The following PLSCR1 variants were observed in gnomAD, a reference collection of about 807,000 sequenced individuals.
The protein encoded by PLSCR1 is PL scramblase 1.
A neutral mutation model predicts 37.8 loss-of-function variants in PLSCR1; 17 were observed. The ratio of observed to expected loss-of-function variants is 0.45; its 90% CI spans 0.31 to 0.68. The LOEUF (loss-of-function observed/expected upper bound fraction) is 0.68, where lower values mean the gene tolerates loss of function less well. Ranked by LOEUF, PLSCR1 falls within the 30% of genes least tolerant of loss-of-function variation. The pLI, the probability that PLSCR1 is intolerant of heterozygous loss-of-function variation, is 0.06. For missense variants in PLSCR1, 347 were observed against 380.9 expected (o/e 0.91, Z 0.74); for synonymous variants, 116 against 125.9 (o/e 0.92, Z 0.53).
intron 5 of PLSCR1, among the ~76,000 whole-genome samples, chr3:146,524,326 A>T (rs1228932131): frequency 1.3e-5 from 2 of 152,164 alleles, no homozygotes; most frequent in Admixed American, 1.3e-4. Context: ...GAGAAAAAAA[A>T]GTAAGTGCCT....
intron 1 of PLSCR1, among the ~76,000 whole-genome samples, chr3:146,537,831 C>T (rs940714415): frequency 1.3e-5 from 2 of 152,142 alleles, no homozygotes; most frequent in African/African-American, 4.8e-5. Context: ...GATGTCATCA[C>T]TGCATTCCAG....
intron 1 of PLSCR1, among the ~76,000 whole-genome samples, chr3:146,537,211 T>C (rs1421839386): frequency 6.6e-6 from 1 of 152,166 alleles, no homozygotes. Flanking sequence ...ACTCGGTATT[T>C]ATACAGAAAC....
chr3:146,540,286 G>C (rs2044322214), intron 1 of PLSCR1, among the ~76,000 whole-genome samples: 1 of 152,106 alleles, frequency 6.6e-6, no homozygotes, highest in Admixed American at 6.5e-5. Context: ...AGGAAACTGA[G>C]GCATCATATA....
chr3:146,535,324 CCAAAG>C (rs1387688297), intron 2 of PLSCR1, among the ~76,000 whole-genome samples: 1 of 151,916 alleles, frequency 6.6e-6, no homozygotes, highest in Admixed American at 6.6e-5. Flanking sequence ...GCTTTTGGTA[CCAAAG>C]CAATGATTCT....
chr3:146,537,273 T>G (rs1368140357), intron 1 of PLSCR1, among the ~76,000 whole-genome samples: 2 of 152,154 alleles, frequency 1.3e-5, no homozygotes, highest in East Asian at 3.9e-4. Flanking sequence ...AGTGCCTTGA[T>G]CCGATCCTAG....
intron 1 of PLSCR1, chr3:146,536,854 A>G (rs893983848): frequency 7.0e-6 from 2 of 287,248 alleles, no homozygotes; most frequent in Non-Finnish European, 1.3e-5. Flanking sequence ...AAGACACACT[A>G]TGAGCTAAGA....
At chr3:146,523,231 A>G (rs535526689) in intron 5 of PLSCR1, among the ~76,000 whole-genome samples, 5 of 152,188 alleles carry the variant, frequency 3.3e-5, no homozygotes, top group African/African-American at 7.2e-5. Context: ...CCATCCCTTC[A>G]TTATGTGAGA....
In PLSCR1 at chr3:146,541,435, G is replaced by T. The variant is rs2044337203; in HGVS notation, c.-14+3032C>A. Among the ~76,000 whole-genome samples the T allele has an allele frequency of 2.0e-5, 3 of 152,226 alleles. No homozygotes were observed. In the South Asian group the frequency reaches 6.2e-4, roughly 32 times the overall value. Reference sequence around the variant, plus strand: ...CAACCCAGAGCTCCCTCACAAATTTGCTTCCTTTCCTCCTAATAAATGGTG... The same window carrying T: ...CAACCCAGAGCTCCCTCACAAATTTTCTTCCTTTCCTCCTAATAAATGGTG... On this transcript the variant is annotated intron_variant, in intron 1 of 8. Transcript: ENST00000342435.
rs935137742 is a variant in PLSCR1, at chr3:146,521,769, C to G, written c.576+64G>C. 26 of 1,574,336 alleles carry G rather than the reference C, an allele frequency of 1.7e-5. No homozygotes were observed. The African/African-American group carries it at 3.0e-4, about 18-fold the overall frequency. On this transcript the variant is annotated intron_variant, in intron 6 of 8. Transcript: ENST00000342435. ...TAATGCCTAGGTTCGATGAAAGGTT[C>G]AATGACAGGGCAGAAATTCTTGCTG...
rs753151379 is a variant in PLSCR1, at chr3:146,517,175, G to GA, written c.739-9dup. On this transcript the variant is annotated splice_polypyrimidine_tract_variant and intron_variant, in intron 7 of 8. Coordinates refer to ENST00000342435, the MANE Select transcript of PLSCR1 (RefSeq NM_021105.3). ...TTCATCAAGAGATTTAATCTAAATTGAAAAAAAAAAGTATTAAATACTTTT... is the reference window on the plus strand; with the variant it reads ...TTCATCAAGAGATTTAATCTAAATTGAAAAAAAAAAAGTATTAAATACTTTT... The GA allele has an allele frequency of 4.9e-3, 6,536 of 1,332,972 alleles. No homozygotes were observed. Among genetic ancestry groups the GA allele is most frequent in the South Asian group, 6.1e-3 (378 of 62,338 alleles). The allele number at this position is 1,332,972 out of a possible 1,614,324, so 82.6% of individuals were successfully genotyped here.
At position 146,517,098 on chromosome 3, in the gene PLSCR1, C is replaced by T. The variant is rs773103837; in HGVS notation, c.808G>A (p.Ala270Thr). Residue 270 changes from alanine (A) to threonine (T), a missense_variant, in exon 8 of 9, where the codon GCA becomes ACA. Ala to Thr is a moderately conservative substitution (Grantham distance 58). Coordinates refer to ENST00000342435, the MANE Select transcript of PLSCR1 (RefSeq NM_021105.3). ...SKHWTGILRE[A>T]FTDADNFGIQ... ...CCAAAGTTATCAGCGTCTGTAAATG[C>T]CTCTCTCAAAATTCCAGTCCAGTGC... The T allele has an allele frequency of 3.1e-6, 5 of 1,601,102 alleles. No individual in the cohort carries two copies. Among genetic ancestry groups the T allele is most frequent in the Admixed American group, 1.7e-5 (1 of 58,636 alleles).
At chr3:146,532,665 A>T (rs566049396) in intron 3 of PLSCR1, among the ~76,000 whole-genome samples, 2 of 152,194 alleles carry the variant, frequency 1.3e-5, no homozygotes, top group African/African-American at 4.8e-5. Context: ...ACATCCTTCT[A>T]TCCAAACCAC....
intron 1 of PLSCR1, among the ~76,000 whole-genome samples, chr3:146,542,628 A>C (rs2044351421): frequency 6.6e-6 from 1 of 152,140 alleles, no homozygotes; most frequent in African/African-American, 2.4e-5. Flanking sequence ...TTTTTTTCTA[A>C]TCACTTCTTA....
At chr3:146,532,051 T>C (rs1009008897) in intron 3 of PLSCR1, among the ~76,000 whole-genome samples, 3 of 152,210 alleles carry the variant, frequency 2.0e-5, no homozygotes, top group African/African-American at 7.2e-5. Context: ...AAGATCTCAA[T>C]TTTAAATTAT....
At chr3:146,529,016 T>C (rs2044159021) in intron 3 of PLSCR1, among the ~76,000 whole-genome samples, 185 bp from the exon 4 acceptor site, 1 of 152,258 alleles carries the variant, frequency 6.6e-6, no homozygotes, top group Non-Finnish European at 1.5e-5. Flanking sequence ...CATCCACTTC[T>C]ATTTGGATGA....
At chr3:146,525,306 G>A (rs1405897963) in intron 5 of PLSCR1, among the ~76,000 whole-genome samples, 1 of 152,206 alleles carries the variant, frequency 6.6e-6, no homozygotes, top group East Asian at 1.9e-4. Context: ...GGAGAAAATA[G>A]CTTAAGTGGT....
chr3:146,543,379 T>G (rs1490065802), intron 1 of PLSCR1, among the ~76,000 whole-genome samples: 2 of 152,356 alleles, frequency 1.3e-5, no homozygotes, highest in African/African-American at 2.4e-5. Context: ...TTTATATGTC[T>G]TTTTCATTTC....
In PLSCR1 at chr3:146,531,217, G is replaced by A. The variant is rs145650342; in HGVS notation, c.94+2253C>T. Among the ~76,000 whole-genome samples the A allele has an allele frequency of 3.2e-4, 48 of 152,284 alleles. No homozygotes were observed. The East Asian group carries it at 4.4e-3, about 14-fold the overall frequency. ...CACAGAAAGAACATTTCAGAGCAAC[G>A]TCCTGGGACAGTAACTAACATAGGC... On this transcript the variant is annotated intron_variant, in intron 3 of 8. Transcript: ENST00000342435.
intron 1 of PLSCR1, among the ~76,000 whole-genome samples, chr3:146,539,418 C>G (rs2044308952): frequency 1.3e-5 from 2 of 152,196 alleles, no homozygotes; most frequent in Non-Finnish European, 2.9e-5. Context: ...CAGTTCCTAA[C>G]AGGCCACAGA....
Sources: gnomAD v4.1 joint callset for allele counts (sites outside exome capture counted in the v4.1 genomes callset) on GRCh38, gnomAD v4.1.1 for gene constraint, MANE v1.5 for transcripts, NCBI Gene and HGNC (gene_info 2026-07-23, HGNC 2026-07-21) for gene names.